Variants in MAD1L1 observed in about 807,000 individuals in gnomAD.
The protein encoded by MAD1L1 is mitotic arrest deficient 1 like 1.
Under a neutral mutation model 96.9 loss-of-function variants are expected in MAD1L1, and 95 were observed. The ratio of observed to expected loss-of-function variants is 0.98; its 90% CI spans 0.83 to 1.16. The LOEUF (loss-of-function observed/expected upper bound fraction) is 1.16. Among genes scored for constraint, MAD1L1 ranks in the 50% most tolerant of loss-of-function variants. The probability of loss-of-function intolerance (pLI) is 0.00; values close to 1 mark genes in which losing one functional copy is unlikely to be tolerated. For synonymous variants in MAD1L1, 473 were observed against 396.6 expected, an observed-to-expected ratio of 1.19 and a Z score of -2.29; for missense variants, 1,007 against 954.4, an observed-to-expected ratio of 1.06 and a Z score of -0.73.
intron 11 of MAD1L1, among the ~76,000 whole-genome samples, chr7:2,110,110 C>A (rs1787303095): frequency 6.6e-6 from 1 of 152,252 alleles, no homozygotes; most frequent in South Asian, 2.1e-4. Context: ...AGCCGATTTT[C>A]CTAAGGCTCC....
chr7:2,179,736 A>T (rs1791107603), intron 10 of MAD1L1, among the ~76,000 whole-genome samples: 2 of 151,924 alleles, frequency 1.3e-5, no homozygotes. Context: ...TTGGGAGGCC[A>T]AGGTGGGTGG....
At chr7:1,900,401 G>C (rs936892965) in intron 17 of MAD1L1, among the ~76,000 whole-genome samples, 1 of 152,194 alleles carries the variant, frequency 6.6e-6, no homozygotes, top group Non-Finnish European at 1.5e-5. Context: ...TGGCAGCATT[G>C]GCACTGATTC....
At chr7:1,941,459 G>C (rs950889966) in intron 16 of MAD1L1, among the ~76,000 whole-genome samples, 5 of 152,258 alleles carry the variant, frequency 3.3e-5, no homozygotes, top group Non-Finnish European at 5.9e-5. Context: ...ACAGAGAAAA[G>C]ATAAAACTGA....
At chr7:2,124,934 C>A (rs1209007508) in intron 11 of MAD1L1, among the ~76,000 whole-genome samples, 5 of 152,184 alleles carry the variant, frequency 3.3e-5, no homozygotes. Flanking sequence ...GGCCTTCCAG[C>A]CCCAGGGCAG....
chr7:1,939,585 C>A (rs1172711193), intron 16 of MAD1L1, among the ~76,000 whole-genome samples: 1 of 152,150 alleles, frequency 6.6e-6, no homozygotes, highest in Non-Finnish European at 1.5e-5. Flanking sequence ...GCCAGCACCA[C>A]GCATAGCAAT....
chr7:1,958,582 A>G (rs1183775043), intron 15 of MAD1L1, among the ~76,000 whole-genome samples: 1 of 152,226 alleles, frequency 6.6e-6, no homozygotes, highest in Non-Finnish European at 1.5e-5. Flanking sequence ...CATCTCTGAA[A>G]AAAGATCAAG....
At chr7:2,080,847 T>A (rs1562667699) in intron 11 of MAD1L1, among the ~76,000 whole-genome samples, 1 of 152,152 alleles carries the variant, frequency 6.6e-6, no homozygotes, top group Non-Finnish European at 1.5e-5. Context: ...TCGCCTCATT[T>A]CTCGGTTAGG....
chr7:2,186,279 T>A (rs1462920442), intron 10 of MAD1L1, among the ~76,000 whole-genome samples: 3 of 152,162 alleles, frequency 2.0e-5, no homozygotes, highest in African/African-American at 7.2e-5. Flanking sequence ...TGTGTGTTAA[T>A]AGCAAAAAGA....
intron 11 of MAD1L1, among the ~76,000 whole-genome samples, chr7:2,075,726 C>T (rs140983598): frequency 6.8e-4 from 103 of 152,292 alleles, no homozygotes; most frequent in African/African-American, 2.3e-3. Context: ...CTAAGAATAC[C>T]GACTTTCAAG....
intron 15 of MAD1L1, among the ~76,000 whole-genome samples, chr7:1,976,117 G>A (rs577983566): frequency 6.6e-6 from 1 of 152,304 alleles, no homozygotes; most frequent in Non-Finnish European, 1.5e-5. Flanking sequence ...ACAAATAAAT[G>A]GATGTGAAAA....
At chr7:2,212,907 CAA>C (rs368626504) in intron 10 of MAD1L1, among the ~76,000 whole-genome samples, 16 of 152,292 alleles carry the variant, frequency 1.1e-4, no homozygotes, top group African/African-American at 3.4e-4. Context: ...CGGTATACAC[CAA>C]AAAGAGTCCT....
At chr7:2,134,020 T>C (rs1788640219) in intron 11 of MAD1L1, among the ~76,000 whole-genome samples, 1 of 152,258 alleles carries the variant, frequency 6.6e-6, no homozygotes, top group Non-Finnish European at 1.5e-5. Context: ...TGCCATCTTT[T>C]GCCTTCCCAT....
At position 2,052,124 on chromosome 7, in the gene MAD1L1, G is replaced by A. The variant is rs565197964; in HGVS notation, c.1218+17070C>T. ...AGACCCACGCTCCGCACACATCAGA[G>A]AGGAGGGGCTGGCCTCAGAGAAGCG... On this transcript the variant is annotated intron_variant, in intron 12 of 18. Coordinates refer to ENST00000265854, the MANE Select transcript of MAD1L1 (RefSeq NM_001013836.2). 5.8e-4 allele frequency among the ~76,000 whole-genome samples: 89 copies of A among 152,298 alleles called. 1 individual carries two copies. In the South Asian group the frequency reaches 0.017, roughly 30 times the overall value.
intron 15 of MAD1L1, among the ~76,000 whole-genome samples, chr7:1,976,802 C>G (rs1292172008): frequency 6.6e-6 from 1 of 152,024 alleles, no homozygotes; most frequent in Non-Finnish European, 1.5e-5. Flanking sequence ...GAGGTAGACA[C>G]AGAGTGCTGA....
rs768482437 is a variant in MAD1L1 at position 2,215,970 on chromosome 7, T to C, written c.839A>G (p.Gln280Arg). The C allele has an allele frequency of 3.7e-6, 6 of 1,614,080 alleles. No homozygotes were observed. The South Asian group carries it at 5.5e-5, about 15-fold the overall frequency. ...REMRETNGLL[Q>R]EELEGLQRKL... ...CCTCTGCAGCCCTTCCAGCTCTTCC[T>C]GGAGCAGCCCGTTGGTCTCTCTCAT... Residue 280 changes from glutamine to arginine, a missense_variant, in exon 9 of 19, where the codon CAG becomes CGG. Transcript: ENST00000265854.
chr7:2,039,367 T>C (rs1783579880), intron 12 of MAD1L1, among the ~76,000 whole-genome samples: 2 of 152,204 alleles, frequency 1.3e-5, no homozygotes, highest in African/African-American at 2.4e-5. Context: ...TTTATTTCAC[T>C]GGAATCGACA....
At position 1,968,937 on chromosome 7, in the gene MAD1L1, G is replaced by A. The variant is rs1287994451; in HGVS notation, c.1506-11218C>T. On this transcript the variant is annotated intron_variant, in intron 15 of 18. Coordinates refer to ENST00000265854, the MANE Select transcript of MAD1L1 (RefSeq NM_001013836.2). The surrounding 1 kb of genome is among the most constrained non-coding windows in gnomAD (Gnocchi z 5.6). ...GGATCCAAACAAGGGCTGGAGACAG[G>A]CCCAGAGTCACACGCCGGTGACGAG... Among the ~76,000 whole-genome samples the A allele has an allele frequency of 2.0e-5, 3 of 152,214 alleles. No homozygotes were observed. The highest frequency in any genetic ancestry group is 4.4e-5 in the Non-Finnish European group (3 of 68,032).
chr7:1,902,467 A>G (rs1044270182), intron 17 of MAD1L1, among the ~76,000 whole-genome samples: 1 of 152,144 alleles, frequency 6.6e-6, no homozygotes, highest in Non-Finnish European at 1.5e-5. Context: ...GGAAAAGGAA[A>G]ACGCGGTACT....
At chr7:2,091,575 A>T (rs945381480) in intron 11 of MAD1L1, among the ~76,000 whole-genome samples, 1 of 152,326 alleles carries the variant, frequency 6.6e-6, no homozygotes, top group East Asian at 1.9e-4. Flanking sequence ...GGAGATCGAG[A>T]CCATACTGGC....
Sources: gnomAD v4.1 joint callset for allele counts (sites outside exome capture counted in the v4.1 genomes callset) on GRCh38, gnomAD v4.1.1 for gene constraint, Gnocchi (gnomAD v3.1) non-coding constraint, MANE v1.5 for transcripts, NCBI Gene and HGNC (gene_info 2026-07-23, HGNC 2026-07-21) for gene names.